CREB3L4: variants seen among roughly 807,000 people sequenced by gnomAD.
CREB3L4 encodes cAMP responsive element binding protein 3 like 4.
Under a neutral mutation model 37.0 loss-of-function variants are expected in CREB3L4, and 28 were observed. The observed-to-expected ratio is 0.76, with a 90% CI of 0.56 to 1.04. CREB3L4 has a LOEUF of 1.04. Ranked by LOEUF, CREB3L4 falls within the 50% of genes least tolerant of loss-of-function variation. The pLI, the probability that CREB3L4 is intolerant of heterozygous loss-of-function variation, is 0.00. For synonymous variants in CREB3L4, 175 were observed against 192.2 expected (o/e 0.91, Z 0.74); for missense variants, 462 against 486.0 (o/e 0.95, Z 0.46).
rs766475864 is a variant in CREB3L4 at position 153,969,337 on chromosome 1, A to G, written c.425A>G (p.Gln142Arg). Residue 142 changes from glutamine to arginine, a missense_variant, in exon 4 of 10, where the codon CAG becomes CGG. By Grantham distance (43) the Gln-to-Arg change is conservative. Transcript: ENST00000368607. The stretch of plus-strand genomic sequence containing the variant: ...AGCTACCTGTTTTCTACTCCAGATC[A>G]GTGGAGCCCAGCATTTATGGTGCCT... ...NVGLISIQLD[Q>R]WSPAFMVPDS... is the part of the protein sequence containing the mutation. 2 of 1,614,208 alleles carry G rather than the reference A, an allele frequency of 1.2e-6. No homozygotes were observed. Among genetic ancestry groups the G allele is most frequent in the Admixed American group, 3.3e-5 (2 of 60,028 alleles).
At chr1:153,971,856 CTT>C (rs1169568926) in intron 4 of CREB3L4, among the ~76,000 whole-genome samples, 2 of 151,966 alleles carry the variant, frequency 1.3e-5, no homozygotes, top group African/African-American at 2.4e-5. Context: ...GAGTTTCGCT[CTT>C]GTTGCCCAGG....
In CREB3L4 at chr1:153,973,956, C is replaced by A. The variant is rs774282345; in HGVS notation, c.1079C>A (p.Pro360His). ...QVVESRLREPPGAKDANGSTR... is the reference protein window; with the variant it reads ...QVVESRLREPHGAKDANGSTR... The stretch of plus-strand genomic sequence containing the variant: ...GTAGAGTCCAGACTGAGGGAGCCAC[C>A]TGGAGCCAAGGATGCAAATGGCTCA... Residue 360 changes from proline to histidine, a missense_variant, in exon 10 of 10, where the codon CCT becomes CAT. Pro to His is a moderately conservative substitution (Grantham distance 77). Coordinates refer to ENST00000368607, the MANE Select transcript of CREB3L4 (RefSeq NM_001255978.2). The A allele has an allele frequency of 1.2e-5, 19 of 1,614,168 alleles. No homozygotes were observed. Among genetic ancestry groups the A allele is most frequent in the Non-Finnish European group, 1.6e-5 (19 of 1,180,020 alleles).
intron 4 of CREB3L4, among the ~76,000 whole-genome samples, chr1:153,970,985 C>T (rs755777947): frequency 1.4e-5 from 2 of 147,258 alleles, no homozygotes; most frequent in East Asian, 2.1e-4. Flanking sequence ...CCTTGTGATC[C>T]GCCCGCCTCA....
chr1:153,972,185 CT>C (rs1648440765), intron 4 of CREB3L4, among the ~76,000 whole-genome samples: 1 of 152,168 alleles, frequency 6.6e-6, no homozygotes, highest in African/African-American at 2.4e-5. Context: ...ACATCCTCTC[CT>C]GTGATTTGCT....
rs1417399411 is a variant in CREB3L4, at chr1:153,973,561, C to G, written c.898-59C>G. The G allele has an allele frequency of 1.0e-5, 16 of 1,566,380 alleles. No individual in the cohort carries two copies. The East Asian group carries it at 2.7e-4, about 26-fold the overall frequency. ...TACTTCCCACATCCGATAACCCCAG[C>G]TGGCCTCCGTTCACTCTACCCCCTG... On this transcript the variant is annotated intron_variant, in intron 8 of 9. Transcript: ENST00000368607.
chr1:153,971,367 CA>C (rs201393510), intron 4 of CREB3L4, among the ~76,000 whole-genome samples: 60 of 140,698 alleles, frequency 4.3e-4, no homozygotes, highest in Non-Finnish European at 2.5e-4. Context: ...GACTCCGTCT[CA>C]AAAAAAAAAA....
intron 1 of CREB3L4, 110 bp downstream of exon 1, chr1:153,968,274 C>T: frequency 2.5e-6 from 1 of 400,310 alleles, no homozygotes; most frequent in Non-Finnish European, 4.5e-6. Context: ...GGTCAACGGG[C>T]TATGCTGGCT....
upstream of CREB3L4, chr1:153,967,538 C>A (rs539898851): frequency 6.6e-6 from 1 of 152,378 alleles, no homozygotes; most frequent in African/African-American, 2.4e-5. Flanking sequence ...GTGGTCCTAG[C>A]TGCTCGCGGT....
At chr1:153,970,504 G>A (rs1219361286) in intron 4 of CREB3L4, among the ~76,000 whole-genome samples, 4 of 152,196 alleles carry the variant, frequency 2.6e-5, no homozygotes, top group Non-Finnish European at 4.4e-5. Context: ...CAGTTGCCCA[G>A]GAGGCACCCA....
chr1:153,970,034 T>C (rs899385359), intron 4 of CREB3L4, among the ~76,000 whole-genome samples: 2 of 151,098 alleles, frequency 1.3e-5, no homozygotes, highest in African/African-American at 4.9e-5. Context: ...GTTCAAGCGA[T>C]TCTCCTGCCT....
At position 153,967,930 on chromosome 1, in the gene CREB3L4, C is replaced by T. The variant is rs1261544713; in HGVS notation, c.-239C>T. ...TTTGTTTACAACCCTGCCATGATCT[C>T]CCTCTTGCAAAAGCGAGGGCTACAG... is the stretch of plus-strand genomic sequence containing the variant. On this transcript the variant is annotated 5_prime_UTR_variant, in exon 1 of 10. Coordinates refer to ENST00000368607, the MANE Select transcript of CREB3L4 (RefSeq NM_001255978.2). 1 of 152,266 alleles carries T rather than the reference C, an allele frequency of 6.6e-6. No individual in the cohort carries two copies. The highest frequency in any genetic ancestry group is 1.5e-5 in the Non-Finnish European group (1 of 68,088). 9.4% of individuals were successfully genotyped at this position (152,266 alleles called of 1,614,324 possible).
At position 153,972,916 on chromosome 1, in the gene CREB3L4, T is replaced by C. The variant is rs942935399; in HGVS notation, c.637-56T>C. 2.1e-4 allele frequency: 333 copies of C among 1,589,194 alleles called. 1 individual carries two copies. The highest frequency in any genetic ancestry group is 2.6e-4 in the Non-Finnish European group (301 of 1,157,650). ...AGGGGCCAATATCCCAGGAGAAGCA[T>C]TGGGGAGTTGGGGGCAGGTGAAGGA... On this transcript the variant is annotated intron_variant, in intron 5 of 9. Coordinates refer to ENST00000368607, the MANE Select transcript of CREB3L4 (RefSeq NM_001255978.2).
chr1:153,969,513 C>G (rs1230509618), intron 4 of CREB3L4, 58 bp downstream of exon 4: 1 of 1,587,924 alleles, frequency 6.3e-7, no homozygotes, highest in Non-Finnish European at 8.6e-7. Context: ...ATCACACAGA[C>G]AGAGCAAAGG....
chr1:153,973,673 G>A lies in CREB3L4; in HGVS notation c.951G>A (p.Gln317=), dbSNP rs772383718. ...TCCTGCCCAGCTTCAGTCCATTCCA[G>A]AGTCGACCAGAAGCTGGGTCTGAGG... ...LIILPSFSPF[Q]SRPEAGSEDY... is the part of the protein sequence containing the mutation. The change falls in exon 9 of 10, where the codon CAG becomes CAA. Residue 317 remains glutamine, a synonymous_variant. Transcript: ENST00000368607. 2 of 1,609,460 alleles carry A rather than the reference G, an allele frequency of 1.2e-6. No homozygotes were observed. Among genetic ancestry groups the A allele is most frequent in the South Asian group, 2.2e-5 (2 of 90,250 alleles).
rs1241512282 is a variant in CREB3L4, at chr1:153,973,371, C to T, written c.813-9C>T. 1 of 1,614,020 alleles carries T rather than the reference C, an allele frequency of 6.2e-7. No individual in the cohort carries two copies. The highest frequency in any genetic ancestry group is 8.5e-7 in the Non-Finnish European group (1 of 1,179,922). On this transcript the variant is annotated splice_polypyrimidine_tract_variant and intron_variant, in intron 7 of 9. Coordinates refer to ENST00000368607, the MANE Select transcript of CREB3L4 (RefSeq NM_001255978.2). ...AGATGATACTAACTCTTCATTCCTC[C>T]TTTCCCAGCTCCTTGGTAGCTCAGC...
intron 4 of CREB3L4, among the ~76,000 whole-genome samples, chr1:153,970,144 G>C (rs568072754): frequency 6.3e-4 from 95 of 151,848 alleles, no homozygotes; most frequent in African/African-American, 2.2e-3. Flanking sequence ...GGCCAGGCTG[G>C]TCTTGAACTC....
At chr1:153,968,246 A>G in intron 1 of CREB3L4, 82 bp downstream of exon 1, 1 of 264,746 alleles carries the variant, frequency 3.8e-6, no homozygotes, top group Non-Finnish European at 7.2e-6. Context: ...AAGAAAGAAA[A>G]GGTGTAGTGT....
rs78109101 is a variant in CREB3L4 at position 153,973,974 on chromosome 1, A to G, written c.1097A>G (p.Asn366Ser). ...GAGCCACCTGGAGCCAAGGATGCAA[A>G]TGGCTCAACAAGGACACTGCTTGAG... ...LREPPGAKDA[N>S]GSTRTLLEKM... The change falls in exon 10 of 10, where the codon AAT becomes AGT. Residue 366 changes from asparagine to serine, a missense_variant. By Grantham distance (46) the Asn-to-Ser change is conservative (BLOSUM62 1). Transcript: ENST00000368607. 1,109 of 1,614,148 alleles carry G rather than the reference A, an allele frequency of 6.9e-4. 6 individuals carry two copies. In the African/African-American group the frequency reaches 0.012, roughly 18 times the overall value.
chr1:153,974,289 T>C lies in CREB3L4; in HGVS notation c.*224T>C, dbSNP rs1648696924. The C allele has an allele frequency of 2.0e-6, 1 of 503,034 alleles. No homozygotes were observed. Among genetic ancestry groups the C allele is most frequent in the Non-Finnish European group, 3.5e-6 (1 of 284,102 alleles). The allele number at this position is 503,034 out of a possible 1,614,324, so 31.2% of individuals were successfully genotyped here. On this transcript the variant is annotated 3_prime_UTR_variant, in exon 10 of 10. Coordinates refer to ENST00000368607, the MANE Select transcript of CREB3L4 (RefSeq NM_001255978.2). ...AATACTTCTGTTATGTATCTGTGAT[T>C]TTATTTCTTCTTTGGGTATAGGGTT...
Sources: gnomAD v4.1 joint callset for allele counts (sites outside exome capture counted in the v4.1 genomes callset) on GRCh38, gnomAD v4.1.1 for gene constraint, MANE v1.5 for transcripts, NCBI Gene and HGNC (gene_info 2026-07-23, HGNC 2026-07-21) for gene names.